Variants in WDR70 observed in about 807,000 individuals in gnomAD.
The protein encoded by WDR70 is WD repeat-containing protein 70.
Under a neutral mutation model 88.6 loss-of-function variants are expected in WDR70, and 53 were observed. That is an observed-to-expected ratio of 0.60 (90% confidence interval 0.48 to 0.75). WDR70 has a LOEUF of 0.75. Ranked by LOEUF, WDR70 falls within the 30% of genes least tolerant of loss-of-function variation. The pLI is 0.00. For synonymous variants in WDR70, 280 were observed against 270.0 expected, an observed-to-expected ratio of 1.04 and a Z score of -0.36; for missense variants, 610 against 823.2, an observed-to-expected ratio of 0.74 and a Z score of 3.17.
intron 7 of WDR70, among the ~76,000 whole-genome samples, chr5:37,463,752 G>A (rs1018155947): frequency 5.9e-5 from 9 of 152,148 alleles, no homozygotes; most frequent in Admixed American, 2.0e-4. Flanking sequence ...CAGATGTTAT[G>A]CCCCTTGAAC....
chr5:37,440,290 A>T (rs1378907078), intron 6 of WDR70, among the ~76,000 whole-genome samples: 2 of 152,196 alleles, frequency 1.3e-5, no homozygotes, highest in African/African-American at 4.8e-5. Flanking sequence ...ATACACATTA[A>T]TTCTTTTAAT....
intron 10 of WDR70, among the ~76,000 whole-genome samples, chr5:37,656,286 A>T (rs1745552654): frequency 6.6e-6 from 1 of 152,182 alleles, no homozygotes. Flanking sequence ...CAAAACAGCA[A>T]AGATTGCTGC....
chr5:37,452,146 G>A (rs1738695902), intron 7 of WDR70, among the ~76,000 whole-genome samples: 1 of 152,144 alleles, frequency 6.6e-6, no homozygotes, highest in Non-Finnish European at 1.5e-5. Context: ...ATCGCTGCTT[G>A]TGTTTTGCCA....
chr5:37,579,014 T>G (rs182096947), intron 9 of WDR70, among the ~76,000 whole-genome samples: 107 of 152,338 alleles, frequency 7.0e-4, no homozygotes, highest in African/African-American at 2.5e-3. Flanking sequence ...GTCTTCAAAC[T>G]GTCTGTTCCT....
chr5:37,676,992 T>C (rs567369417), intron 10 of WDR70, among the ~76,000 whole-genome samples: 2 of 152,344 alleles, frequency 1.3e-5, no homozygotes, highest in Admixed American at 1.3e-4. Context: ...AATTTATCCA[T>C]TTCTTCTAGA....
chr5:37,587,778 C>CTTTTT (rs55980790), intron 9 of WDR70, among the ~76,000 whole-genome samples: 7 of 122,758 alleles, frequency 5.7e-5, no homozygotes, highest in Non-Finnish European at 8.6e-5. Context: ...AAGCCCTATT[C>CTTTTT]TTTTTTTTTT....
chr5:37,545,435 TTTTAA>T (rs1166282337), intron 9 of WDR70, among the ~76,000 whole-genome samples: 11 of 152,190 alleles, frequency 7.2e-5, no homozygotes, highest in Non-Finnish European at 1.2e-4. Flanking sequence ...TATTTGATTT[TTTTAA>T]TTTAAGTTAT....
chr5:37,727,366 A>G (rs1748004383), intron 17 of WDR70, among the ~76,000 whole-genome samples: 1 of 152,190 alleles, frequency 6.6e-6, no homozygotes, highest in Non-Finnish European at 1.5e-5. Context: ...GACGAGGGTT[A>G]AAAGCAAATG....
At chr5:37,490,140 T>C (rs112604071) in intron 8 of WDR70, among the ~76,000 whole-genome samples, 2,962 of 152,212 alleles carry the variant, frequency 0.019, 88 homozygotes, top group African/African-American at 0.067. Flanking sequence ...GGGGAATCCA[T>C]AGGCCCCTGG....
chr5:37,481,246 G>A (rs573553745), intron 8 of WDR70, among the ~76,000 whole-genome samples: 1 of 152,244 alleles, frequency 6.6e-6, no homozygotes, highest in East Asian at 1.9e-4. Flanking sequence ...GCTCTGCTTG[G>A]CAGTACCCCA....
intron 17 of WDR70, among the ~76,000 whole-genome samples, chr5:37,743,382 C>G (rs558684820): frequency 6.6e-6 from 1 of 152,346 alleles, no homozygotes; most frequent in Admixed American, 6.5e-5. Context: ...CTTACAGCCT[C>G]TCAGCTGGAA....
At chr5:37,659,568 T>G (rs1745646157) in intron 10 of WDR70, among the ~76,000 whole-genome samples, 1 of 152,222 alleles carries the variant, frequency 6.6e-6, no homozygotes, top group Non-Finnish European at 1.5e-5. Flanking sequence ...GCTTTGTGTC[T>G]TAGCTCAGGC....
chr5:37,532,764 T>C (rs1741537553), intron 9 of WDR70, among the ~76,000 whole-genome samples: 1 of 152,212 alleles, frequency 6.6e-6, no homozygotes, highest in African/African-American at 2.4e-5. Flanking sequence ...TTTCTGGCAA[T>C]TGAGATATTT....
intron 3 of WDR70, among the ~76,000 whole-genome samples, chr5:37,389,297 G>A (rs908211892): frequency 1.7e-5 from 2 of 121,042 alleles, no homozygotes; most frequent in African/African-American, 7.5e-5. Flanking sequence ...TTCACCTGTC[G>A]AGACCAGGCT....
intron 7 of WDR70, among the ~76,000 whole-genome samples, chr5:37,475,967 T>A (rs530366576): frequency 6.6e-6 from 1 of 151,024 alleles, no homozygotes; most frequent in Non-Finnish European, 1.5e-5. Flanking sequence ...TGCCTCAGCC[T>A]CCTGAGTAGC....
intron 5 of WDR70, among the ~76,000 whole-genome samples, chr5:37,426,933 G>A (rs532518212): frequency 2.0e-5 from 3 of 151,748 alleles, no homozygotes; most frequent in Admixed American, 6.6e-5. Context: ...GCACAACCAT[G>A]CCCAGCTAAT....
chr5:37,620,677 G>T (rs986250576), intron 10 of WDR70, among the ~76,000 whole-genome samples: 1 of 151,914 alleles, frequency 6.6e-6, no homozygotes, highest in Non-Finnish European at 1.5e-5. Flanking sequence ...CTATTAAATT[G>T]TTTTTATGAC....
chr5:37,649,096 T>C (rs192043208), intron 10 of WDR70, among the ~76,000 whole-genome samples: 4 of 152,280 alleles, frequency 2.6e-5, no homozygotes, highest in Admixed American at 2.6e-4. Flanking sequence ...GGGTGCTCTG[T>C]GTACACTAGA....
At chr5:37,486,276 A>C (rs1355430797) in intron 8 of WDR70, among the ~76,000 whole-genome samples, 1 of 152,138 alleles carries the variant, frequency 6.6e-6, no homozygotes, top group Non-Finnish European at 1.5e-5. Context: ...TAAGGATCAC[A>C]ATCTCATGTC....
Sources: allele counts gnomAD v4.1 joint callset (sites outside exome capture counted in the v4.1 genomes callset), GRCh38; gene constraint gnomAD v4.1.1; transcripts MANE v1.5; gene names NCBI Gene and HGNC (gene_info 2026-07-23, HGNC 2026-07-21).